The following DNAAF11 variants were observed in gnomAD, a reference collection of about 807,000 sequenced individuals.
DNAAF11 encodes leucine rich repeat containing 6.
In DNAAF11, 45 loss-of-function variants were observed where a neutral mutation model predicts 60.8. The ratio of observed to expected loss-of-function variants is 0.74; its 90% CI spans 0.58 to 0.95. The LOEUF is 0.95. Among genes scored for constraint, DNAAF11 ranks in the 40% least tolerant of loss-of-function variants. The probability of loss-of-function intolerance (pLI) is 0.00; values close to 1 mark genes in which losing one functional copy is unlikely to be tolerated. For missense variants in DNAAF11, 546 were observed against 546.2 expected (o/e 1.00, Z 0.00); for synonymous variants, 191 against 183.5 (o/e 1.04, Z -0.33).
the DNAAF11 span, among the ~76,000 whole-genome samples, chr8:132,689,882 T>C: frequency 6.9e-6 from 1 of 144,880 alleles, no homozygotes; most frequent in Non-Finnish European, 1.5e-5. Flanking sequence ...CCTGTGAATA[T>C]TTTTTTTCCT....
At chr8:132,608,332 A>G (rs898177656) in intron 10 of DNAAF11, 1 of 213,558 alleles carries the variant, frequency 4.7e-6, no homozygotes, top group African/African-American at 2.3e-5. Flanking sequence ...TAATTTATTA[A>G]TGACGAAAAT....
At chr8:132,663,662 T>A (rs1437479803) in intron 1 of DNAAF11, among the ~76,000 whole-genome samples, 1 of 151,944 alleles carries the variant, frequency 6.6e-6, no homozygotes, top group Non-Finnish European at 1.5e-5. Flanking sequence ...AGAACTGGAG[T>A]CCATGGGGCC....
In DNAAF11 at chr8:132,674,208, AAGG is replaced by A. The variant is rs1156948499; in HGVS notation, c.10+1273_10+1275del. Among the ~76,000 whole-genome samples the A allele has an allele frequency of 1.0e-3, 133 of 127,174 alleles. 3 individuals carry two copies. The highest frequency in any genetic ancestry group is 4.1e-3 in the African/African-American group (118 of 28,714). The allele number at this position is 127,174 out of a possible 152,430, so 83.4% of individuals were successfully genotyped here. ...GGAGGAGGAGGAGAAGGAGGAGGAGAAGGAGGAGGAGGAGAAGGAGAAGAAGAA... is the reference window on the plus strand; with the variant it reads ...GGAGGAGGAGGAGAAGGAGGAGGAGAAGGAGGAGGAGAAGGAGAAGAAGAA... On this transcript the variant is annotated intron_variant, in intron 1 of 11. Coordinates refer to ENST00000620350, the MANE Select transcript of DNAAF11 (RefSeq NM_012472.6).
intron 1 of DNAAF11, among the ~76,000 whole-genome samples, chr8:132,669,940 C>CAAAAAAAAAAAAAAAAAAAAAAAA (rs35402875): frequency 1.4e-5 from 1 of 69,772 alleles, no homozygotes; most frequent in African/African-American, 4.0e-5. Flanking sequence ...GACTCCGTCT[C>CAAAAAAAAAAAAAAAAAAAAAAAA]AAAAAAAAAA....
intron 4 of DNAAF11, 41 bp downstream of exon 4, chr8:132,637,894 C>T: frequency 6.5e-7 from 1 of 1,532,796 alleles, no homozygotes; most frequent in South Asian, 1.2e-5. Flanking sequence ...GTTGCTCATG[C>T]TCATTTATCT....
chr8:132,604,186 T>C (rs935451369), intron 10 of DNAAF11, among the ~76,000 whole-genome samples: 46 of 152,166 alleles, frequency 3.0e-4, no homozygotes, highest in African/African-American at 9.9e-4. Flanking sequence ...GGCAACACTA[T>C]AGACCCACTT....
chr8:132,581,661 C>CAAAAAAAAAAAAA (rs59380140), intron 11 of DNAAF11, among the ~76,000 whole-genome samples: 1 of 82,998 alleles, frequency 1.2e-5, no homozygotes, highest in African/African-American at 4.7e-5. Flanking sequence ...GACTCTGCCT[C>CAAAAAAAAAAAAA]AAAAAAAAAA....
the DNAAF11 span, among the ~76,000 whole-genome samples, chr8:132,699,069 C>A: frequency 2.0e-5 from 3 of 150,474 alleles, no homozygotes; most frequent in African/African-American, 7.4e-5. Context: ...GCAGAAGTTA[C>A]AGTGAGCTGA....
At chr8:132,579,502 T>C (rs1390133028) in intron 11 of DNAAF11, among the ~76,000 whole-genome samples, 1 of 152,022 alleles carries the variant, frequency 6.6e-6, no homozygotes, top group Non-Finnish European at 1.5e-5. Flanking sequence ...GTTAAAGCGT[T>C]GAAGGATGTA....
intron 10 of DNAAF11, among the ~76,000 whole-genome samples, chr8:132,591,238 T>C (rs907335764): frequency 1.3e-5 from 2 of 152,078 alleles, no homozygotes; most frequent in Non-Finnish European, 2.9e-5. Flanking sequence ...CTCATTAGCA[T>C]TAAACTAAAA....
intron 6 of DNAAF11, among the ~76,000 whole-genome samples, chr8:132,624,287 G>A (rs1820040648): frequency 6.6e-6 from 1 of 152,098 alleles, no homozygotes; most frequent in Non-Finnish European, 1.5e-5. Context: ...GATAATCCCT[G>A]TTTAGCAGAT....
At chr8:132,638,742 A>AG (rs1821562970) in intron 3 of DNAAF11, among the ~76,000 whole-genome samples, 1 of 152,324 alleles carries the variant, frequency 6.6e-6, no homozygotes, top group South Asian at 2.1e-4. Flanking sequence ...GAGTCACTGA[A>AG]GTAGGGTTTT....
At chr8:132,635,555 G>A (rs1045905866) in intron 4 of DNAAF11, among the ~76,000 whole-genome samples, 2 of 152,152 alleles carry the variant, frequency 1.3e-5, no homozygotes, top group African/African-American at 2.4e-5. Flanking sequence ...GAAAAGGGCT[G>A]ACTCTCCTCA....
chr8:132,601,236 C>T (rs1040473328), intron 10 of DNAAF11, among the ~76,000 whole-genome samples: 4 of 152,170 alleles, frequency 2.6e-5, no homozygotes, highest in African/African-American at 9.7e-5. Flanking sequence ...CCATCTCACA[C>T]CAGTTAGAAT....
At chr8:132,695,536 T>C in the DNAAF11 span, among the ~76,000 whole-genome samples, 1 of 152,198 alleles carries the variant, frequency 6.6e-6, no homozygotes, top group South Asian at 2.1e-4. Flanking sequence ...TAATTGTTTC[T>C]ATTTTCTCAG....
At chr8:132,666,098 G>T (rs1406963990) in intron 1 of DNAAF11, among the ~76,000 whole-genome samples, 1 of 152,084 alleles carries the variant, frequency 6.6e-6, no homozygotes, top group Non-Finnish European at 1.5e-5. Context: ...CTCCAAAATG[G>T]GCGAAGGAGG....
intron 4 of DNAAF11, among the ~76,000 whole-genome samples, chr8:132,635,466 T>C (rs1821200508): frequency 6.6e-6 from 1 of 152,194 alleles, no homozygotes; most frequent in Non-Finnish European, 1.5e-5. Context: ...TTGGTTTGTC[T>C]GCTAACAAAT....
chr8:132,644,667 A>T (rs946846937), intron 3 of DNAAF11, among the ~76,000 whole-genome samples: 1 of 152,170 alleles, frequency 6.6e-6, no homozygotes. Context: ...CTTAGCAAAC[A>T]GCACACCAGG....
intron 1 of DNAAF11, chr8:132,675,234 T>A (rs1177261894): frequency 2.3e-6 from 1 of 435,194 alleles, no homozygotes; most frequent in African/African-American, 2.0e-5. Context: ...TGCCTCTTCC[T>A]CCCCTTCCCA....
Sources: gnomAD v4.1 joint callset for allele counts (sites outside exome capture counted in the v4.1 genomes callset) on GRCh38, gnomAD v4.1.1 for gene constraint, MANE v1.5 for transcripts, NCBI Gene and HGNC (gene_info 2026-07-23, HGNC 2026-07-21) for gene names.